MACROD2: variants seen among roughly 807,000 people sequenced by gnomAD.
MACROD2 encodes the protein ADP-ribose glycohydrolase MACROD2.
In MACROD2, 36 loss-of-function variants were observed where a neutral mutation model predicts 70.4. That is an observed-to-expected ratio of 0.51 (90% CI 0.39 to 0.68). The LOEUF is 0.68. Ranked by LOEUF, MACROD2 falls within the 30% of genes least tolerant of loss-of-function variation. The probability of loss-of-function intolerance (pLI) is 0.00; values close to 1 mark genes in which losing one functional copy is unlikely to be tolerated. For missense variants in MACROD2, 496 were observed against 538.4 expected, an observed-to-expected ratio of 0.92 and a Z score of 0.78; for synonymous variants, 172 against 178.8, an observed-to-expected ratio of 0.96 and a Z score of 0.30.
At chr20:14,567,257 A>G (rs966450409) in intron 4 of MACROD2, among the ~76,000 whole-genome samples, 36 of 152,192 alleles carry the variant, frequency 2.4e-4, no homozygotes, top group African/African-American at 8.4e-4. Flanking sequence ...AATATCCATC[A>G]ATAGATGAAT....
At chr20:15,164,912 A>T (rs1157093308) in intron 5 of MACROD2, among the ~76,000 whole-genome samples, 1 of 152,056 alleles carries the variant, frequency 6.6e-6, no homozygotes, top group African/African-American at 2.4e-5. Flanking sequence ...AAAAATAAAT[A>T]AGCCGTAAAA....
chr20:14,484,155 A>T (rs955049661), intron 3 of MACROD2, among the ~76,000 whole-genome samples: 10 of 152,238 alleles, frequency 6.6e-5, no homozygotes, highest in Non-Finnish European at 1.5e-4. Flanking sequence ...ATACTTATGC[A>T]TGCTAAATTT....
At chr20:14,520,680 C>T (rs1271538786) in intron 4 of MACROD2, among the ~76,000 whole-genome samples, 2 of 152,166 alleles carry the variant, frequency 1.3e-5, no homozygotes, top group Non-Finnish European at 2.9e-5. Context: ...ATACCACCTA[C>T]TTTGTGTAAA....
At chr20:14,432,170 G>A (rs2084001997) in intron 3 of MACROD2, among the ~76,000 whole-genome samples, 1 of 152,066 alleles carries the variant, frequency 6.6e-6, no homozygotes, top group South Asian at 2.1e-4. Context: ...ACTTCCCCTT[G>A]CTCTAGCCAT....
chr20:14,898,113 A>C (rs573637214), intron 5 of MACROD2, among the ~76,000 whole-genome samples: 11 of 152,322 alleles, frequency 7.2e-5, no homozygotes, highest in African/African-American at 2.6e-4. Context: ...ATGTTTTATT[A>C]ATTAATATTT....
chr20:14,917,535 C>G (rs753281209), intron 5 of MACROD2, among the ~76,000 whole-genome samples: 5 of 152,030 alleles, frequency 3.3e-5, no homozygotes, highest in Non-Finnish European at 5.9e-5. Context: ...TATGAGAGAA[C>G]TGTGTTGTGG....
intron 6 of MACROD2, among the ~76,000 whole-genome samples, chr20:15,312,495 G>T (rs767976162): frequency 6.6e-6 from 1 of 152,102 alleles, no homozygotes; most frequent in South Asian, 2.1e-4. Context: ...GGCACAGAAT[G>T]GTTTAGTACT....
intron 2 of MACROD2, among the ~76,000 whole-genome samples, chr20:14,039,943 A>G (rs535071032): frequency 6.6e-6 from 1 of 152,290 alleles, no homozygotes; most frequent in East Asian, 1.9e-4. Context: ...TGAACATTGT[A>G]GAGTGACATA....
chr20:14,579,363 G>C (rs1980853385), intron 4 of MACROD2, among the ~76,000 whole-genome samples: 1 of 150,500 alleles, frequency 6.6e-6, no homozygotes, highest in Non-Finnish European at 1.5e-5. Flanking sequence ...GGATGGTCTC[G>C]ATCTCCTGAC....
At chr20:15,745,641 A>T (rs1487981255) in intron 8 of MACROD2, among the ~76,000 whole-genome samples, 1 of 152,122 alleles carries the variant, frequency 6.6e-6, no homozygotes, top group African/African-American at 2.4e-5. Context: ...TTTAACACTT[A>T]AAAGTATTTT....
At chr20:15,892,914 T>C (rs1486137713) in intron 10 of MACROD2, 6 of 398,858 alleles carry the variant, frequency 1.5e-5, no homozygotes, top group Non-Finnish European at 2.7e-5. Context: ...ATATTAAATC[T>C]TCGTGATTCC....
intron 4 of MACROD2, among the ~76,000 whole-genome samples, chr20:14,532,215 A>C (rs1448160149): frequency 1.4e-5 from 2 of 147,316 alleles, no homozygotes; most frequent in Non-Finnish European, 3.0e-5. Flanking sequence ...CTGTATAACT[A>C]ATCTTTTTTT....
intron 4 of MACROD2, among the ~76,000 whole-genome samples, chr20:14,644,635 A>G (rs1985282293): frequency 6.6e-6 from 1 of 152,212 alleles, no homozygotes; most frequent in South Asian, 2.1e-4. Flanking sequence ...CGAATATGGA[A>G]TTAATGAACT....
chr20:15,376,779 A>G (rs775027953), intron 6 of MACROD2, among the ~76,000 whole-genome samples: 3 of 152,266 alleles, frequency 2.0e-5, no homozygotes, highest in Non-Finnish European at 4.4e-5. Context: ...AAGTCAGACA[A>G]CTAGTTACCC....
chr20:16,044,919 C>T (rs2067359556), intron 17 of MACROD2, among the ~76,000 whole-genome samples: 1 of 152,086 alleles, frequency 6.6e-6, no homozygotes, highest in South Asian at 2.1e-4. Flanking sequence ...TCCATCTCAC[C>T]CCCTGGCCTC....
intron 3 of MACROD2, among the ~76,000 whole-genome samples, chr20:14,230,654 T>TATATATATATATATATATAAAAA: frequency 8.1e-5 from 6 of 74,236 alleles, no homozygotes; most frequent in Admixed American, 5.3e-4. Context: ...TATATATATA[T>TATATATATATATATATATAAAAA]AACACAGGCT....
At chr20:15,767,372 A>G (rs894302756) in intron 8 of MACROD2, among the ~76,000 whole-genome samples, 4 of 112,898 alleles carry the variant, frequency 3.5e-5, no homozygotes, top group South Asian at 2.4e-4. Context: ...TATTCATGCC[A>G]TATTCCTAAA....
In MACROD2 at chr20:15,447,441, C is replaced by T. The variant is rs760370078; in HGVS notation, c.571+16006C>T. On this transcript the variant is annotated intron_variant, in intron 7 of 17. Coordinates refer to ENST00000684519, the MANE Select transcript of MACROD2 (RefSeq NM_001351661.2). ...CGTTCTATCTCAAGTGAGGCAGTGCCCATCTCAAAGGGGCCACAGTGTTAG... is the reference window on the plus strand; with the variant it reads ...CGTTCTATCTCAAGTGAGGCAGTGCTCATCTCAAAGGGGCCACAGTGTTAG... Among the ~76,000 whole-genome samples the T allele has an allele frequency of 9.5e-4, 144 of 152,136 alleles. 2 individuals are homozygous for T. The highest frequency in any genetic ancestry group is 2.4e-4 in the Non-Finnish European group (16 of 68,032).
intron 4 of MACROD2, among the ~76,000 whole-genome samples, chr20:14,663,519 T>TACAC (rs10606501): frequency 0.028 from 3,911 of 141,480 alleles, 110 homozygotes; most frequent in African/African-American, 0.068. Flanking sequence ...CAGGGATGTA[T>TACAC]ACACACACAC....
Sources: gnomAD v4.1 joint callset for allele counts (sites outside exome capture counted in the v4.1 genomes callset) on GRCh38, gnomAD v4.1.1 for gene constraint, MANE v1.5 for transcripts, NCBI Gene and HGNC (gene_info 2026-07-23, HGNC 2026-07-21) for gene names.